MAN1A2: variants seen among roughly 807,000 people sequenced by gnomAD.
MAN1A2 encodes mannosidase alpha class 1A member 2.
In MAN1A2, 26 loss-of-function variants were observed where a neutral mutation model predicts 75.7. The observed-to-expected ratio is 0.34, with a 90% confidence interval of 0.25 to 0.48. The LOEUF (loss-of-function observed/expected upper bound fraction) is 0.48. MAN1A2 is among the 20% of genes least tolerant of loss of function. The pLI, the probability that MAN1A2 is intolerant of heterozygous loss-of-function variation, is 0.99. For synonymous variants in MAN1A2, 247 were observed against 264.6 expected (o/e 0.93, Z 0.65); for missense variants, 562 against 775.5 (o/e 0.72, Z 3.27).
At chr1:117,386,991 T>C (rs914506040) in intron 1 of MAN1A2, among the ~76,000 whole-genome samples, 3 of 151,940 alleles carry the variant, frequency 2.0e-5, no homozygotes, top group Non-Finnish European at 2.9e-5. Context: ...ATGTATCTGA[T>C]AAGGCATTAA....
chr1:117,391,845 C>T (rs2101740598), intron 1 of MAN1A2, among the ~76,000 whole-genome samples: 1 of 152,304 alleles, frequency 6.6e-6, no homozygotes, highest in East Asian at 1.9e-4. Flanking sequence ...GTTAATGGCA[C>T]CCGTTTCTAT....
At chr1:117,369,323 A>T (rs1485963814) in intron 1 of MAN1A2, among the ~76,000 whole-genome samples, 2 of 152,206 alleles carry the variant, frequency 1.3e-5, no homozygotes, top group Non-Finnish European at 2.9e-5. Context: ...TACAATTTTT[A>T]TAATTTTTAT....
At chr1:117,431,465 A>G (rs1020325702) in intron 5 of MAN1A2, among the ~76,000 whole-genome samples, 2 of 152,108 alleles carry the variant, frequency 1.3e-5, no homozygotes, top group Non-Finnish European at 2.9e-5. Context: ...GCAGACAGAA[A>G]ATCAAAGATG....
chr1:117,428,012 C>T (rs1648432342), intron 5 of MAN1A2, among the ~76,000 whole-genome samples: 1 of 151,916 alleles, frequency 6.6e-6, no homozygotes, highest in Admixed American at 6.6e-5. Context: ...AAGTTAAGGA[C>T]ATAATTAATC....
chr1:117,410,000 T>A (rs999116960), intron 3 of MAN1A2, among the ~76,000 whole-genome samples: 2 of 152,008 alleles, frequency 1.3e-5, no homozygotes, highest in African/African-American at 4.8e-5. Context: ...TAAAATAGTA[T>A]ATAATATTTG....
intron 6 of MAN1A2, among the ~76,000 whole-genome samples, chr1:117,443,504 C>G (rs12184255): frequency 0.12 from 18,261 of 152,040 alleles, 1,158 homozygotes; most frequent in Non-Finnish European, 0.14. Flanking sequence ...ACATTATTAT[C>G]TACTTAGATA....
chr1:117,420,413 G>A (rs1400658352), intron 4 of MAN1A2, among the ~76,000 whole-genome samples, 156 bp from the exon 5 acceptor site: 6 of 152,092 alleles, frequency 3.9e-5, no homozygotes, highest in Non-Finnish European at 4.4e-5. Context: ...ATTAACAAAC[G>A]AGAGGAGAGA....
chr1:117,428,798 T>C (rs1313931776), intron 5 of MAN1A2, among the ~76,000 whole-genome samples: 2 of 146,862 alleles, frequency 1.4e-5, no homozygotes, highest in African/African-American at 4.9e-5. Context: ...TTTTTTTTTT[T>C]TTTTTTTTTA....
At chr1:117,381,096 G>A (rs1168572103) in intron 1 of MAN1A2, among the ~76,000 whole-genome samples, 3 of 151,756 alleles carry the variant, frequency 2.0e-5, no homozygotes, top group Non-Finnish European at 4.4e-5. Flanking sequence ...TTATTCCTAG[G>A]TATTTTGCTC....
At chr1:117,448,090 G>A (rs1649295859) in intron 6 of MAN1A2, among the ~76,000 whole-genome samples, 1 of 152,066 alleles carries the variant, frequency 6.6e-6, no homozygotes, top group East Asian at 1.9e-4. Flanking sequence ...TCCTCTCTGA[G>A]TTCCTGGAGC....
At chr1:117,426,808 T>A (rs1035332445) in intron 5 of MAN1A2, among the ~76,000 whole-genome samples, 8 of 152,214 alleles carry the variant, frequency 5.3e-5, no homozygotes, top group South Asian at 2.1e-4. Flanking sequence ...CTGTATTTTT[T>A]CTTATCAATA....
chr1:117,379,423 A>G (rs1653259270), intron 1 of MAN1A2, among the ~76,000 whole-genome samples: 1 of 152,130 alleles, frequency 6.6e-6, no homozygotes, highest in African/African-American at 2.4e-5. Context: ...TTGCTCTTCA[A>G]AATTTTTTGC....
At chr1:117,377,905 C>T (rs1653207589) in intron 1 of MAN1A2, among the ~76,000 whole-genome samples, 1 of 152,056 alleles carries the variant, frequency 6.6e-6, no homozygotes, top group Admixed American at 6.6e-5. Flanking sequence ...TTGAGACCAT[C>T]CTGGCTAACA....
intron 8 of MAN1A2, 29 bp downstream of exon 8, chr1:117,466,456 C>A: frequency 7.1e-7 from 1 of 1,404,968 alleles, no homozygotes; most frequent in South Asian, 1.3e-5. Context: ...CTGAGGCTTT[C>A]TTAAAAAATT....
intron 3 of MAN1A2, among the ~76,000 whole-genome samples, chr1:117,407,267 AGTTT>A (rs1647646152): frequency 6.6e-6 from 1 of 152,162 alleles, no homozygotes; most frequent in African/African-American, 2.4e-5. Context: ...CTATGCAGTC[AGTTT>A]GTTAAAGGAT....
intron 6 of MAN1A2, among the ~76,000 whole-genome samples, chr1:117,450,889 C>G (rs781419756): frequency 6.6e-6 from 1 of 152,222 alleles, no homozygotes; most frequent in African/African-American, 2.4e-5. Context: ...ACGACTCTCT[C>G]TCATGGAGAA....
intron 8 of MAN1A2, among the ~76,000 whole-genome samples, chr1:117,490,346 TA>T: frequency 6.6e-6 from 1 of 152,106 alleles, no homozygotes; most frequent in Non-Finnish European, 1.5e-5. Context: ...TTTTCCTTAG[TA>T]TTATGTATGT....
At chr1:117,499,258 C>G in intron 10 of MAN1A2, 124 bp from the exon 11 acceptor site, 3 of 658,206 alleles carry the variant, frequency 4.6e-6, no homozygotes, top group Non-Finnish European at 7.1e-6. Flanking sequence ...TGAGTGCAAA[C>G]AGCAACAATA....
intron 1 of MAN1A2, among the ~76,000 whole-genome samples, chr1:117,386,592 C>T (rs1186664852): frequency 6.6e-6 from 1 of 152,120 alleles, no homozygotes; most frequent in Non-Finnish European, 1.5e-5. Flanking sequence ...TCACTGTCTG[C>T]ACCCTCTGGC....
Sources: gnomAD v4.1 joint callset for allele counts (sites outside exome capture counted in the v4.1 genomes callset) on GRCh38, gnomAD v4.1.1 for gene constraint, MANE v1.5 for transcripts, NCBI Gene and HGNC (gene_info 2026-07-23, HGNC 2026-07-21) for gene names.